SERPINB8: variants seen among roughly 807,000 people sequenced by gnomAD.
The protein encoded by SERPINB8 is serpin B8.
A neutral mutation model predicts 35.3 loss-of-function variants in SERPINB8; 25 were observed. That is an observed-to-expected ratio of 0.71 (90% confidence interval 0.52 to 0.99). The LOEUF (loss-of-function observed/expected upper bound fraction) is 0.99. Ranked by LOEUF, SERPINB8 falls within the 50% of genes least tolerant of loss-of-function variation. The probability of loss-of-function intolerance (pLI) is 0.00; values close to 1 mark genes in which losing one functional copy is unlikely to be tolerated. For synonymous variants in SERPINB8, 186 were observed against 160.8 expected, an observed-to-expected ratio of 1.16 and a Z score of -1.19; for missense variants, 484 against 446.5, an observed-to-expected ratio of 1.08 and a Z score of -0.76.
intron 1 of SERPINB8, 72 bp from the exon 2 acceptor site, chr18:63,978,227 G>C: frequency 6.5e-7 from 1 of 1,534,550 alleles, no homozygotes; most frequent in Non-Finnish European, 9.0e-7. Context: ...TCCACTGACT[G>C]GGGGATGAAT....
chr18:63,983,765 AT>A, intron 5 of SERPINB8, 44 bp downstream of exon 5: 1 of 1,346,948 alleles, frequency 7.4e-7, no homozygotes, highest in Non-Finnish European at 1.1e-6. Context: ...TCTTAAAGTA[AT>A]ATTACAGGAA....
At position 63,978,718 on chromosome 18, in the gene SERPINB8, A is replaced by G. The variant is rs144546361; in HGVS notation, c.168+242A>G. ...TTATTTTCTCTAGATCAGATCATCA[A>G]TACAGTCTGGCAAATTCACATCTTT... On this transcript the variant is annotated intron_variant, in intron 2 of 6. Coordinates refer to ENST00000397985, the MANE Select transcript of SERPINB8 (RefSeq NM_002640.4). 3.7e-4 allele frequency among the ~76,000 whole-genome samples: 56 copies of G among 152,368 alleles called. 2 individuals are homozygous for G. The highest frequency in any genetic ancestry group is 2.8e-3 in the Admixed American group (43 of 15,308).
At chr18:64,003,428 A>T (rs1300000149) in intron 1 of SERPINB8, among the ~76,000 whole-genome samples, 2 of 152,072 alleles carry the variant, frequency 1.3e-5, no homozygotes, top group Non-Finnish European at 2.9e-5. Context: ...TGCAAATTCC[A>T]TGGCATTTTA....
At chr18:64,004,024 ACT>A (rs2050888604) in intron 1 of SERPINB8, among the ~76,000 whole-genome samples, 1 of 151,722 alleles carries the variant, frequency 6.6e-6, no homozygotes, top group South Asian at 2.1e-4. Flanking sequence ...GGATATACAC[ACT>A]CTCTTTCTCA....
At chr18:64,016,837 G>A (rs2050952679) in intron 7 of SERPINB8, among the ~76,000 whole-genome samples, 2 of 152,170 alleles carry the variant, frequency 1.3e-5, no homozygotes, top group South Asian at 4.1e-4. Context: ...TCCATGATAT[G>A]TTCTAAACCT....
rs7227366 is a variant in SERPINB8 at position 63,986,523 on chromosome 18, A to G, written c.721-351A>G. The G allele has an allele frequency of 3.6e-3, 4,876 of 1,342,756 alleles. 160 individuals carry two copies. The African/African-American group carries it at 0.062, about 17-fold the overall frequency. 83.2% of individuals were successfully genotyped at this position (1,342,756 alleles called of 1,614,324 possible). A position where few individuals can be genotyped will look rare whatever the true frequency, so the allele number is the denominator to read the frequency against. On this transcript the variant is annotated intron_variant, in intron 6 of 6. Coordinates refer to ENST00000397985, the MANE Select transcript of SERPINB8 (RefSeq NM_002640.4). Reference sequence around the variant, plus strand: ...TTTTGTCAAACAATCTCTCCCACTCACAGTAGTATGTATTGCATGAAGATT... The same window carrying G: ...TTTTGTCAAACAATCTCTCCCACTCGCAGTAGTATGTATTGCATGAAGATT...
downstream of SERPINB8, among the ~76,000 whole-genome samples, chr18:63,990,816 T>G (rs566622434): frequency 6.6e-6 from 1 of 152,380 alleles, no homozygotes; most frequent in South Asian, 2.1e-4. Flanking sequence ...TTTGTTTCTT[T>G]GTTTATGCTT....
At position 63,987,222 on chromosome 18, in the gene SERPINB8, A is replaced by C. The variant is rs1264062910; in HGVS notation, c.1069A>C (p.Ile357Leu). 1.2e-6 allele frequency: 2 copies of C among 1,614,114 alleles called. No homozygotes were observed. The highest frequency in any genetic ancestry group is 1.6e-4 in the Middle Eastern group (1 of 6,062). The change falls in exon 7 of 7, where the codon ATC (isoleucine) becomes CTC (leucine). Residue 357 changes from isoleucine to leucine, a missense_variant. Ile to Leu is a conservative substitution (Grantham distance 5). Coordinates refer to ENST00000397985, the MANE Select transcript of SERPINB8 (RefSeq NM_002640.4). Reference sequence around the variant, plus strand: ...TGCAGACCACCCTTTTCTTTTCTTCATCAGGCACCACAAAACCAACTGCAT... The same window carrying C: ...TGCAGACCACCCTTTTCTTTTCTTCCTCAGGCACCACAAAACCAACTGCAT... ...FCADHPFLFF[I>L]RHHKTNCILF... is the part of the protein sequence containing the mutation.
chr18:63,978,207 C>T, intron 1 of SERPINB8, 92 bp from the exon 2 acceptor site: 3 of 1,377,560 alleles, frequency 2.2e-6, no homozygotes, highest in Non-Finnish European at 3.1e-6. Flanking sequence ...TTCCACCTAC[C>T]ACCTCAGCGT....
At chr18:64,015,615 T>G (rs1468107394) in intron 7 of SERPINB8, among the ~76,000 whole-genome samples, 2 of 152,216 alleles carry the variant, frequency 1.3e-5, no homozygotes, top group East Asian at 3.8e-4. Context: ...TGTCGATACC[T>G]TTTTCATTTC....
intron 1 of SERPINB8, among the ~76,000 whole-genome samples, chr18:64,001,987 C>A (rs1014905515): frequency 6.6e-6 from 1 of 152,134 alleles, no homozygotes; most frequent in African/African-American, 2.4e-5. Flanking sequence ...CTTCCAGTTG[C>A]GGAGGCCCCT....
At chr18:64,008,000 T>G (rs1568081390), downstream of SERPINB8, among the ~76,000 whole-genome samples, 1 of 152,176 alleles carries the variant, frequency 6.6e-6, no homozygotes, top group Non-Finnish European at 1.5e-5. Context: ...ATTAATTAAT[T>G]AATTATGACA....
chr18:63,978,254 G>T (rs971735203), intron 1 of SERPINB8, 45 bp from the exon 2 acceptor site: 13 of 1,595,776 alleles, frequency 8.1e-6, no homozygotes, highest in Non-Finnish European at 1.7e-6. Flanking sequence ...GTGGCTACCG[G>T]AGTCATTGGC....
chr18:64,013,419 A>G (rs1403264757), intron 7 of SERPINB8, among the ~76,000 whole-genome samples: 2 of 152,012 alleles, frequency 1.3e-5, no homozygotes, highest in East Asian at 1.9e-4. Flanking sequence ...TATCTCTCCA[A>G]TTTTCTTTGG....
exon 8 of SERPINB8, chr18:64,019,331 T>C (rs2050965171): frequency 6.6e-6 from 1 of 152,288 alleles, no homozygotes; most frequent in Non-Finnish European, 1.5e-5. Context: ...TGTGTACTGA[T>C]ACATCTCATA....
downstream of SERPINB8, among the ~76,000 whole-genome samples, chr18:63,990,990 C>T (rs1200043573): frequency 1.3e-5 from 2 of 152,186 alleles, no homozygotes; most frequent in Admixed American, 6.5e-5. Flanking sequence ...CCATTTTCCA[C>T]TGAATTGCCT....
chr18:64,007,345 A>C (rs1486278725), downstream of SERPINB8, among the ~76,000 whole-genome samples: 1 of 152,214 alleles, frequency 6.6e-6, no homozygotes, highest in Non-Finnish European at 1.5e-5. Flanking sequence ...ACGTTCTCCC[A>C]TAGAGAAAAC....
At chr18:64,001,254 A>T (rs1252767837) in intron 1 of SERPINB8, among the ~76,000 whole-genome samples, 3 of 152,164 alleles carry the variant, frequency 2.0e-5, no homozygotes, top group Non-Finnish European at 4.4e-5. Context: ...AAGGAAGTGA[A>T]TTTTTTTATA....
intron 7 of SERPINB8, among the ~76,000 whole-genome samples, chr18:64,015,389 T>G (rs1314217885): frequency 6.6e-6 from 1 of 152,190 alleles, no homozygotes; most frequent in Non-Finnish European, 1.5e-5. Context: ...TAAAATCCTT[T>G]GGGCTCAAAT....
Sources: gnomAD v4.1 joint callset for allele counts (sites outside exome capture counted in the v4.1 genomes callset) on GRCh38, gnomAD v4.1.1 for gene constraint, MANE v1.5 for transcripts, NCBI Gene and HGNC (gene_info 2026-07-23, HGNC 2026-07-21) for gene names.